Variants in UTRN observed in about 807,000 individuals in gnomAD.
UTRN encodes the protein dystrophin-related protein 1.
UTRN carries 283 observed loss-of-function variants against 463.9 expected under a neutral mutation model. That is an observed-to-expected ratio of 0.61 (90% CI 0.55 to 0.67). The LOEUF (loss-of-function observed/expected upper bound fraction) is 0.67, where lower values mean the gene tolerates loss of function less well. UTRN is among the 30% of genes least tolerant of loss of function. The pLI is 0.00. For missense variants in UTRN, 3,922 were observed against 4,084.3 expected (o/e 0.96, Z 1.08); for synonymous variants, 1,442 against 1,431.5 (o/e 1.01, Z -0.17).
At chr6:144,745,908 A>G (rs1209601550) in intron 54 of UTRN, among the ~76,000 whole-genome samples, 1 of 151,944 alleles carries the variant, frequency 6.6e-6, no homozygotes, top group Non-Finnish European at 1.5e-5. Flanking sequence ...ACCTCTCATG[A>G]GACTAAGAAT....
chr6:144,421,687 TA>T (rs938890468), intron 3 of UTRN, among the ~76,000 whole-genome samples, 190 bp from the exon 4 acceptor site: 21 of 147,314 alleles, frequency 1.4e-4, no homozygotes, highest in Non-Finnish European at 1.5e-4. Context: ...AGACTCTGTC[TA>T]AAAAAAAAAT....
At chr6:144,669,034 CT>C (rs1274147669) in intron 51 of UTRN, among the ~76,000 whole-genome samples, 1 of 152,166 alleles carries the variant, frequency 6.6e-6, no homozygotes, top group Non-Finnish European at 1.5e-5. Context: ...CTGGTCCCTG[CT>C]TTTCTGTTTG....
intron 53 of UTRN, among the ~76,000 whole-genome samples, chr6:144,713,457 C>A (rs1278739581): frequency 7.3e-6 from 1 of 136,722 alleles, no homozygotes; most frequent in Non-Finnish European, 1.5e-5. Context: ...AAAAAAAAAT[C>A]AAAAAAATCA....
chr6:144,693,611 C>G (rs976545674), intron 52 of UTRN, among the ~76,000 whole-genome samples: 5 of 152,038 alleles, frequency 3.3e-5, no homozygotes, highest in African/African-American at 1.2e-4. Flanking sequence ...TTTCCCTTCC[C>G]TGATTAGCTA....
chr6:144,793,519 G>A (rs551470446), intron 62 of UTRN, among the ~76,000 whole-genome samples: 1 of 151,974 alleles, frequency 6.6e-6, no homozygotes, highest in African/African-American at 2.4e-5. Context: ...TGCATTTATT[G>A]TATCATTTTA....
At chr6:144,670,837 T>G (rs189672256) in intron 51 of UTRN, among the ~76,000 whole-genome samples, 92 of 152,288 alleles carry the variant, frequency 6.0e-4, no homozygotes, top group Non-Finnish European at 1.2e-3. Context: ...AGGATCCAAT[T>G]TCATTCTTCT....
chr6:144,545,465 A>G (rs1027525283), intron 46 of UTRN, among the ~76,000 whole-genome samples: 1 of 152,200 alleles, frequency 6.6e-6, no homozygotes, highest in Admixed American at 6.5e-5. Context: ...TTCTGTTTCA[A>G]ATACACTGGT....
chr6:144,677,101 C>A lies in UTRN; in HGVS notation c.7480-1305C>A, dbSNP rs77389808. Among the ~76,000 whole-genome samples, 49 of 152,040 alleles carry A rather than the reference C, an allele frequency of 3.2e-4. No homozygotes were observed. The East Asian group carries it at 9.0e-3, about 28-fold the overall frequency. On this transcript the variant is annotated intron_variant, in intron 51 of 74. Transcript: ENST00000367545. ...AATTGAGGAGTCAGTGTATTGAACA[C>A]CTTTTAAAAAATTTCAATTTAAGTT...
At chr6:144,798,056 C>T (rs755276196) in intron 64 of UTRN, 66 bp downstream of exon 64, 121 of 1,601,526 alleles carry the variant, frequency 7.6e-5, no homozygotes, top group Non-Finnish European at 9.5e-5. Context: ...GTGGTACGTC[C>T]ATCCTCCATT....
intron 3 of UTRN, among the ~76,000 whole-genome samples, chr6:144,409,994 G>C (rs986164479): frequency 2.0e-5 from 3 of 152,142 alleles, no homozygotes; most frequent in African/African-American, 4.8e-5. Context: ...GTCTCTGTGA[G>C]AGACAACTAG....
intron 50 of UTRN, among the ~76,000 whole-genome samples, chr6:144,563,651 T>A (rs970356254): frequency 1.3e-5 from 2 of 152,198 alleles, no homozygotes; most frequent in Non-Finnish European, 2.9e-5. Flanking sequence ...GAAAATCACC[T>A]TTATTTTTCA....
intron 2 of UTRN, among the ~76,000 whole-genome samples, chr6:144,313,507 C>T (rs1198782098): frequency 6.6e-6 from 1 of 152,214 alleles, no homozygotes; most frequent in African/African-American, 2.4e-5. Flanking sequence ...AGAGCTGCCC[C>T]CTGGCTCCAG....
At chr6:144,591,584 A>G (rs1245528807) in intron 51 of UTRN, among the ~76,000 whole-genome samples, 1 of 152,196 alleles carries the variant, frequency 6.6e-6, no homozygotes, top group Admixed American at 6.5e-5. Context: ...CAAAGGAAAG[A>G]AGTCGTCTTT....
chr6:144,516,456 C>A, intron 38 of UTRN, 69 bp downstream of exon 38: 1 of 1,492,968 alleles, frequency 6.7e-7, no homozygotes, highest in Non-Finnish European at 9.1e-7. Context: ...ATTTTTACAT[C>A]AAGATGTTTG....
At chr6:144,392,141 T>TA (rs1410681081) in intron 2 of UTRN, among the ~76,000 whole-genome samples, 1 of 152,256 alleles carries the variant, frequency 6.6e-6, no homozygotes, top group African/African-American at 2.4e-5. Flanking sequence ...TGTTTTAAAA[T>TA]ATTGAGTATA....
intron 57 of UTRN, among the ~76,000 whole-genome samples, chr6:144,756,025 T>G (rs1791952666): frequency 1.3e-5 from 2 of 152,192 alleles, no homozygotes; most frequent in East Asian, 1.9e-4. Context: ...TTCACAAACC[T>G]TAGACCTTAG....
chr6:144,322,107 T>G (rs759987657), intron 2 of UTRN, among the ~76,000 whole-genome samples: 39 of 152,344 alleles, frequency 2.6e-4, no homozygotes, highest in Non-Finnish European at 5.0e-4. Flanking sequence ...GCTGAGCCTC[T>G]AACTCCAAGC....
At chr6:144,400,505 G>GT (rs1782846823) in intron 2 of UTRN, among the ~76,000 whole-genome samples, 3 of 152,160 alleles carry the variant, frequency 2.0e-5, no homozygotes, top group Admixed American at 2.0e-4. Flanking sequence ...GTGGAGGTTA[G>GT]TAAGTGTGTG....
intron 52 of UTRN, among the ~76,000 whole-genome samples, chr6:144,695,337 A>G (rs888714083): frequency 6.6e-6 from 1 of 151,518 alleles, no homozygotes; most frequent in Admixed American, 6.6e-5. Flanking sequence ...TTGGATAGCC[A>G]TGATTAAACT....
Sources: allele counts gnomAD v4.1 joint callset (sites outside exome capture counted in the v4.1 genomes callset), GRCh38; gene constraint gnomAD v4.1.1; transcripts MANE v1.5; gene names NCBI Gene and HGNC (gene_info 2026-07-23, HGNC 2026-07-21).